Variants in MYOM1 observed in about 807,000 individuals in gnomAD.
MYOM1 encodes myomesin-1.
A neutral mutation model predicts 205.3 loss-of-function variants in MYOM1; 164 were observed. The observed-to-expected ratio is 0.80, with a 90% CI of 0.70 to 0.91. MYOM1 has a LOEUF of 0.91. MYOM1 is among the 40% of genes least tolerant of loss of function. The pLI is 0.00. For synonymous variants in MYOM1, 772 were observed against 789.4 expected, an observed-to-expected ratio of 0.98 and a Z score of 0.37; for missense variants, 2,011 against 2,127.3, an observed-to-expected ratio of 0.95 and a Z score of 1.08.
chr18:3,191,103 G>T (rs1430159507), intron 3 of MYOM1, among the ~76,000 whole-genome samples: 1 of 152,122 alleles, frequency 6.6e-6, no homozygotes, highest in Non-Finnish European at 1.5e-5. Context: ...CTATAATGTG[G>T]ACACAAAAGC....
At chr18:3,201,077 T>G (rs1444701934) in intron 2 of MYOM1, among the ~76,000 whole-genome samples, 1 of 152,156 alleles carries the variant, frequency 6.6e-6, no homozygotes, top group Admixed American at 6.5e-5. Flanking sequence ...ATGACATATT[T>G]AAGTGCTGAA....
intron 27 of MYOM1, among the ~76,000 whole-genome samples, chr18:3,090,076 T>G (rs1402072262): frequency 6.6e-6 from 1 of 152,196 alleles, no homozygotes; most frequent in Non-Finnish European, 1.5e-5. Flanking sequence ...ACTGGAGAAT[T>G]TTAGCAATAA....
At chr18:3,174,533 A>G (rs2080607821) in intron 6 of MYOM1, among the ~76,000 whole-genome samples, 1 of 152,210 alleles carries the variant, frequency 6.6e-6, no homozygotes. Flanking sequence ...TATAGAGTGA[A>G]CAGCATTGTG....
chr18:3,135,793 G>GC lies in MYOM1; in HGVS notation c.2026-64dup. ...AAACACAAGCGAGAATCCAGGCCAG[G>GC]CAACTCCAAGTTTCATTCATCTGCA... is the stretch of plus-strand genomic sequence containing the variant. On this transcript the variant is annotated intron_variant, in intron 14 of 37. Coordinates refer to ENST00000356443, the MANE Select transcript of MYOM1 (RefSeq NM_003803.4). This position sits in a 1 kb window ranked among gnomAD's most constrained non-coding sequence, Gnocchi z 4.1. 1 of 1,573,346 alleles carries GC rather than the reference G, an allele frequency of 6.4e-7. No individual in the cohort carries two copies. Among genetic ancestry groups the GC allele is most frequent in the Non-Finnish European group, 8.7e-7 (1 of 1,151,930 alleles).
At chr18:3,156,969 G>A (rs1048552038) in intron 10 of MYOM1, among the ~76,000 whole-genome samples, 6 of 152,200 alleles carry the variant, frequency 3.9e-5, no homozygotes, top group African/African-American at 1.4e-4. Flanking sequence ...GGCTGCTGAT[G>A]GCAAAGGCAG....
Position 3,155,049 on chromosome 18 carries a change from A to G in MYOM1, c.1541T>C (p.Leu514Ser), listed in dbSNP as rs1435793956. 9 of 1,613,246 alleles carry G rather than the reference A, an allele frequency of 5.6e-6. No homozygotes were observed. In the Admixed American group the frequency reaches 6.7e-5, roughly 12 times the overall value. The change falls in exon 11 of 38, where the codon TTG becomes TCG. Residue 514 changes from leucine to serine, a missense_variant. Leu to Ser is a moderately radical substitution (Grantham distance 145, BLOSUM62 -2). Coordinates refer to ENST00000356443, the MANE Select transcript of MYOM1 (RefSeq NM_003803.4). ...AEIEGAPAAP[L>S]DVKCLEANKD... ...GTTGGCCTCCAAGCACTTCACATCC[A>G]AGGGAGCAGCTGGGGCTCCTTCAAT...
intron 33 of MYOM1, among the ~76,000 whole-genome samples, chr18:3,082,389 C>T (rs1048959260): frequency 1.3e-5 from 2 of 152,184 alleles, no homozygotes; most frequent in Non-Finnish European, 1.5e-5. Context: ...GTCACCTCCC[C>T]GAGCCCTAGC....
chr18:3,193,770 A>G (rs2080953131), intron 3 of MYOM1, 48 bp downstream of exon 3: 1 of 1,579,576 alleles, frequency 6.3e-7, no homozygotes, highest in Non-Finnish European at 8.6e-7. Context: ...TATAGCACTT[A>G]CTATATACTT....
intron 5 of MYOM1, among the ~76,000 whole-genome samples, chr18:3,177,214 G>A (rs1465782208): frequency 6.6e-6 from 1 of 151,978 alleles, no homozygotes; most frequent in African/African-American, 2.4e-5. Context: ...ACTCCAGCCT[G>A]GGCAACAGAG....
At chr18:3,090,269 G>C (rs2079205459) in intron 27 of MYOM1, among the ~76,000 whole-genome samples, 1 of 148,184 alleles carries the variant, frequency 6.7e-6, no homozygotes, top group South Asian at 2.1e-4. Flanking sequence ...CCCCAGGCTG[G>C]AGTGCAGTGG....
chr18:3,226,975 A>G, the MYOM1 span, among the ~76,000 whole-genome samples: 2 of 152,166 alleles, frequency 1.3e-5, no homozygotes, highest in Non-Finnish European at 2.9e-5. The surrounding 1 kb of genome is among the most constrained non-coding windows in gnomAD (Gnocchi z 4.6). Context: ...TGGTGGGTAG[A>G]TTCTGGGAGA....
chr18:3,212,806 A>G (rs867024001), intron 2 of MYOM1, among the ~76,000 whole-genome samples: 1 of 151,268 alleles, frequency 6.6e-6, no homozygotes, highest in Admixed American at 6.6e-5. Flanking sequence ...TGTCATATAC[A>G]TATGGTATTA....
At chr18:3,125,141 G>A (rs1257659402) in intron 19 of MYOM1, among the ~76,000 whole-genome samples, 1 of 152,036 alleles carries the variant, frequency 6.6e-6, no homozygotes, top group East Asian at 1.9e-4. Context: ...CAGAGTGATG[G>A]GAATTCTCAC....
chr18:3,150,305 A>G (rs1028695844), intron 12 of MYOM1, among the ~76,000 whole-genome samples: 1 of 151,760 alleles, frequency 6.6e-6, no homozygotes, highest in South Asian at 2.1e-4. Flanking sequence ...CAGGTGATCC[A>G]CCCGCCTCGA....
chr18:3,127,886 C>T (rs1162765923), intron 18 of MYOM1, among the ~76,000 whole-genome samples: 6 of 152,134 alleles, frequency 3.9e-5, no homozygotes, highest in African/African-American at 7.2e-5. Context: ...CCATGTTTAT[C>T]AGTGCTTAGC....
chr18:3,164,597 T>C (rs145916697), intron 9 of MYOM1, among the ~76,000 whole-genome samples, 158 bp from the exon 10 acceptor site: 9 of 152,344 alleles, frequency 5.9e-5, no homozygotes, highest in Non-Finnish European at 1.0e-4. Flanking sequence ...TATGTTTACA[T>C]TGGTAAAAAT....
At position 3,138,366 on chromosome 18, in the gene MYOM1, TGACA is replaced by T. The variant is rs776695523; in HGVS notation, c.2026-2640_2026-2637del. 6.6e-5 allele frequency among the ~76,000 whole-genome samples: 10 copies of T among 152,274 alleles called. No individual in the cohort carries two copies. In the East Asian group the frequency reaches 1.9e-3, roughly 29 times the overall value. ...CCACACAGGATGATCTTCGTTGACT[TGACA>T]GACAGGCAACATGGCATGGCATAGA... On this transcript the variant is annotated intron_variant, in intron 14 of 37. Transcript: ENST00000356443.
upstream of MYOM1, among the ~76,000 whole-genome samples, chr18:3,224,024 T>C (rs1176543114): frequency 6.8e-6 from 1 of 146,990 alleles, no homozygotes. Flanking sequence ...AAATCTAACA[T>C]TAGATTTTTT....
the MYOM1 span, among the ~76,000 whole-genome samples, chr18:3,236,695 G>A: frequency 6.6e-6 from 1 of 152,180 alleles, no homozygotes; most frequent in Non-Finnish European, 1.5e-5. Flanking sequence ...TTAGATATGT[G>A]AGTCTGGAGT....
Sources: allele counts gnomAD v4.1 joint callset (sites outside exome capture counted in the v4.1 genomes callset), GRCh38; gene constraint gnomAD v4.1.1; non-coding constraint Gnocchi (gnomAD v3.1); transcripts MANE v1.5; gene names NCBI Gene and HGNC (gene_info 2026-07-23, HGNC 2026-07-21).